UPP2: variants seen among roughly 807,000 people sequenced by gnomAD.
UPP2 encodes uridine phosphorylase 2.
UPP2 carries 23 observed loss-of-function variants against 26.7 expected under a neutral mutation model. The observed-to-expected ratio is 0.86, with a 90% CI of 0.62 to 1.22. The LOEUF is 1.22. Among genes scored for constraint, UPP2 ranks in the 50% most tolerant of loss-of-function variants. The pLI is 0.00. For missense variants in UPP2, 387 were observed against 396.7 expected (o/e 0.98, Z 0.21); for synonymous variants, 127 against 141.3 (o/e 0.90, Z 0.72).
intron 3 of UPP2, among the ~76,000 whole-genome samples, chr2:158,067,642 G>C (rs1682459345): frequency 1.1e-5 from 1 of 94,474 alleles, no homozygotes; most frequent in Non-Finnish European, 2.0e-5. Flanking sequence ...CAGATTCCAA[G>C]TTTTTACCAT....
At position 158,065,622 on chromosome 2, in the gene UPP2, C is replaced by T. The variant is rs779586763; in HGVS notation, c.148-36418C>T. On this transcript the variant is annotated intron_variant, in intron 3 of 9. Coordinates refer to the UPP2 transcript ENST00000605860. ...GGATTTCTTACTACACACAACCCAA[C>T]CAATGTGACCTTAAACAAATTCGTA... 2.7e-4 allele frequency: 157 copies of T among 578,562 alleles called. 1 individual carries two copies. The highest frequency in any genetic ancestry group is 1.4e-4 in the Non-Finnish European group (42 of 299,274). The allele number at this position is 578,562 out of a possible 1,614,324, so 35.8% of individuals were successfully genotyped here.
At chr2:158,130,442 A>C (rs6749648) in intron 6 of UPP2, among the ~76,000 whole-genome samples, 106,368 of 148,420 alleles carry the variant, frequency 0.72, 38,762 homozygotes, top group African/African-American at 0.81. Context: ...CAGAGCAAGA[A>C]TCCGTCTCAA....
intron 3 of UPP2, among the ~76,000 whole-genome samples, chr2:158,041,208 T>C (rs545882898): frequency 2.0e-5 from 3 of 152,220 alleles, no homozygotes; most frequent in Non-Finnish European, 4.4e-5. Flanking sequence ...ATAAATGGTA[T>C]TTTTAAAGTA....
At chr2:158,011,016 C>T (rs745424313) in intron 2 of UPP2, among the ~76,000 whole-genome samples, 2 of 152,070 alleles carry the variant, frequency 1.3e-5, no homozygotes, top group African/African-American at 4.8e-5. Flanking sequence ...CCACCCACCT[C>T]GACCTCCCAA....
intron 1 of UPP2, among the ~76,000 whole-genome samples, chr2:158,104,078 T>C (rs1683130257): frequency 6.6e-6 from 1 of 152,212 alleles, no homozygotes; most frequent in African/African-American, 2.4e-5. Context: ...AATTCAACAA[T>C]AGAATTTGTT....
chr2:158,121,315 C>A (rs771786357), intron 4 of UPP2, 94 bp from the exon 5 acceptor site: 5 of 1,074,414 alleles, frequency 4.7e-6, no homozygotes, highest in Admixed American at 1.9e-5. Context: ...GACTCATTAG[C>A]AGCTAGCATT....
At chr2:158,016,011 T>C (rs1683652630) in intron 3 of UPP2, 1 of 265,494 alleles carries the variant, frequency 3.8e-6, no homozygotes, top group Non-Finnish European at 7.5e-6. Context: ...GTAATTCTAT[T>C]TTTAATTTTT....
chr2:158,052,965 G>GT (rs536514303), intron 3 of UPP2, among the ~76,000 whole-genome samples: 111 of 152,312 alleles, frequency 7.3e-4, no homozygotes, highest in African/African-American at 2.6e-3. Flanking sequence ...CCTGAGGGCT[G>GT]TAGTATGCCA....
At position 158,105,573 on chromosome 2, in the gene UPP2, T is replaced by C. The variant is rs539767611; in HGVS notation, c.63-526T>C. ...GAAGTGTCCGGCTGATTGTTATGCA[T>C]GCTACACTTTGAGAAGATAAAATAA... On this transcript the variant is annotated intron_variant, in intron 1 of 6. Coordinates refer to ENST00000005756, the MANE Select transcript of UPP2 (RefSeq NM_173355.4). Among the ~76,000 whole-genome samples the C allele has an allele frequency of 1.3e-3, 191 of 152,352 alleles. 1 individual carries two copies. The highest frequency in any genetic ancestry group is 4.4e-3 in the African/African-American group (183 of 41,584).
intron 3 of UPP2, among the ~76,000 whole-genome samples, chr2:158,042,726 T>C: frequency 6.6e-6 from 1 of 152,262 alleles, no homozygotes; most frequent in African/African-American, 2.4e-5. Context: ...CCTTTTTGAA[T>C]GTACTTTGTT....
In UPP2 at chr2:158,044,176, C is replaced by T. The variant is rs112157481; in HGVS notation, c.147+28290C>T. On this transcript the variant is annotated intron_variant, in intron 3 of 9. Coordinates refer to the UPP2 transcript ENST00000605860. ...GAAAAATGGGTTAGATTTAGACTAG[C>T]GGTAGATGGGGGCAAAAATCATTGA... Among the ~76,000 whole-genome samples the T allele has an allele frequency of 3.6e-3, 552 of 152,176 alleles. 6 individuals are homozygous for T. Among genetic ancestry groups the T allele is most frequent in the African/African-American group, 0.012 (515 of 41,520 alleles).
chr2:158,063,164 C>T (rs1682379542), intron 3 of UPP2, among the ~76,000 whole-genome samples: 1 of 152,070 alleles, frequency 6.6e-6, no homozygotes, highest in African/African-American at 2.4e-5. Context: ...CATTCTTCAT[C>T]ACCTCATTTA....
intron 2 of UPP2, among the ~76,000 whole-genome samples, chr2:157,997,876 C>T (rs2105460270): frequency 6.6e-6 from 1 of 152,294 alleles, no homozygotes; most frequent in South Asian, 2.1e-4. Flanking sequence ...TGGACAGGTC[C>T]AAATCTCAGT....
In UPP2 at chr2:157,998,800, A is replaced by AAAAAT. The variant is rs563127974; in HGVS notation, c.61+3561_61+3565dup. The stretch of plus-strand genomic sequence containing the variant: ...GGGTAACAGAGCAAGACTCTGTCGC[A>AAAAAT]AAAATAAAATAAAATAAAATAAAAA... On this transcript the variant is annotated intron_variant, in intron 2 of 9. Transcript: ENST00000605860. Among the ~76,000 whole-genome samples the AAAAAT allele has an allele frequency of 2.8e-4, 43 of 152,322 alleles. No individual in the cohort carries two copies. The East Asian group carries it at 6.8e-3, about 24-fold the overall frequency.
At chr2:158,051,195 G>GTA (rs1366015641) in intron 3 of UPP2, among the ~76,000 whole-genome samples, 3 of 131,770 alleles carry the variant, frequency 2.3e-5, no homozygotes, top group Admixed American at 1.5e-4. Flanking sequence ...GTGTGTGTGT[G>GTA]TGTATGTGTG....
intron 3 of UPP2, among the ~76,000 whole-genome samples, chr2:158,043,007 A>G (rs1684102230): frequency 6.6e-6 from 1 of 152,208 alleles, no homozygotes; most frequent in African/African-American, 2.4e-5. Context: ...TCATTTCACC[A>G]CATCTTAAGG....
Position 158,050,062 on chromosome 2 carries a change from T to C in UPP2, c.147+34176T>C, listed in dbSNP as rs186672866. On this transcript the variant is annotated intron_variant, in intron 3 of 9. Transcript: ENST00000605860. Reference sequence around the variant, plus strand: ...GATTCCTGACATTTTATTTACCTTTTGTTAGTTCTCAAAATATTAAGAGTC... The same window carrying C: ...GATTCCTGACATTTTATTTACCTTTCGTTAGTTCTCAAAATATTAAGAGTC... Among the ~76,000 whole-genome samples the C allele has an allele frequency of 4.6e-5, 7 of 152,356 alleles. No individual in the cohort carries two copies. In the East Asian group the frequency reaches 1.2e-3, roughly 25 times the overall value.
chr2:158,035,084 AGG>A (rs1683979237), intron 3 of UPP2, among the ~76,000 whole-genome samples: 1 of 152,126 alleles, frequency 6.6e-6, no homozygotes, highest in African/African-American at 2.4e-5. Flanking sequence ...TTGCATTTTC[AGG>A]TACAGTGCTA....
intron 2 of UPP2, among the ~76,000 whole-genome samples, chr2:158,114,401 C>T (rs545717593): frequency 1.4e-4 from 21 of 152,300 alleles, no homozygotes; most frequent in African/African-American, 4.8e-4. Flanking sequence ...GAGTAACTGC[C>T]AGACAATTGT....
Sources: gnomAD v4.1 joint callset for allele counts (sites outside exome capture counted in the v4.1 genomes callset) on GRCh38, gnomAD v4.1.1 for gene constraint, MANE v1.5 for transcripts, NCBI Gene and HGNC (gene_info 2026-07-23, HGNC 2026-07-21) for gene names.